Variants in DEF6 observed in about 807,000 individuals in gnomAD.
DEF6 encodes differentially expressed in FDCP 6 homolog.
A neutral mutation model predicts 80.5 loss-of-function variants in DEF6; 32 were observed. The observed-to-expected ratio is 0.40, with a 90% CI of 0.30 to 0.53. The LOEUF is 0.53. DEF6 is among the 20% of genes least tolerant of loss of function. The probability of loss-of-function intolerance (pLI) is 0.57; values close to 1 mark genes in which losing one functional copy is unlikely to be tolerated. For missense variants in DEF6, 575 were observed against 818.7 expected (o/e 0.70, Z 3.63); for synonymous variants, 300 against 337.9 (o/e 0.89, Z 1.23).
At position 35,318,169 on chromosome 6, in the gene DEF6, G is replaced by A. The variant is rs1234263140; in HGVS notation, c.917-4G>A. ...CCTACTGACCCGCTCCCGCTCTTCG[G>A]CAGCCATCCAGATGGCGATCCGGCT... On this transcript the variant is annotated splice_region_variant and splice_polypyrimidine_tract_variant and intron_variant, in intron 6 of 10. Coordinates refer to ENST00000316637, the MANE Select transcript of DEF6 (RefSeq NM_022047.4). The surrounding 1 kb of genome is among the most constrained non-coding windows in gnomAD (Gnocchi z 5.1). 1.3e-6 allele frequency: 2 copies of A among 1,550,680 alleles called. No homozygotes were observed. The highest frequency in any genetic ancestry group is 2.0e-5 in the Admixed American group (1 of 50,274).
intron 1 of DEF6, among the ~76,000 whole-genome samples, chr6:35,306,038 G>A (rs925996902): frequency 5.9e-5 from 9 of 151,502 alleles, no homozygotes; most frequent in African/African-American, 1.2e-4. Flanking sequence ...GATTATAGGC[G>A]CCTGCCACAA....
rs541231429 is a variant in DEF6 at position 35,319,349 on chromosome 6, C to T, written c.1216-175C>T. On this transcript the variant is annotated intron_variant, in intron 7 of 10. Transcript: ENST00000316637. The surrounding 1 kb of genome is among the most constrained non-coding windows in gnomAD (Gnocchi z 4.5). The stretch of plus-strand genomic sequence containing the variant: ...CCCCACGTGGCATCTGTTCACCGAC[C>T]ATTATCTGTTCCAGTCAGGCTCTCA... 6.6e-6 allele frequency among the ~76,000 whole-genome samples: 1 copy of T among 152,076 alleles called. No homozygotes were observed. The highest frequency in any genetic ancestry group is 1.9e-4 in the East Asian group (1 of 5,186).
At chr6:35,302,749 ACT>A (rs2150384897) in intron 1 of DEF6, among the ~76,000 whole-genome samples, 1 of 152,146 alleles carries the variant, frequency 6.6e-6, no homozygotes, top group South Asian at 2.1e-4. Context: ...ACCCCTGGAA[ACT>A]CTGAGTCAGT....
intron 1 of DEF6, among the ~76,000 whole-genome samples, chr6:35,306,000 C>G (rs1175880066): frequency 6.6e-6 from 1 of 152,006 alleles, no homozygotes; most frequent in African/African-American, 2.4e-5. Context: ...TCAACTGATT[C>G]TCCTGCCTCA....
rs1337871884 is a variant in DEF6 at position 35,318,266 on chromosome 6, A to G, written c.1010A>G (p.Glu337Gly). The change falls in exon 7 of 11, where the codon GAG becomes GGG. Residue 337 changes from glutamate to glycine, a missense_variant. Physicochemically the swap from Glu to Gly is moderately conservative, Grantham distance 98. Transcript: ENST00000316637. The surrounding 1 kb of genome is among the most constrained non-coding windows in gnomAD (Gnocchi z 5.1). ...QKRREQREQR[E>G]RRRAAKEEEL... ...CGGCGCGAGCAGCGGGAGCAGCGGG[A>G]GCGGCGCCGGGCGGCCAAGGAAGAG... The G allele has an allele frequency of 6.3e-7, 1 of 1,578,134 alleles. No individual in the cohort carries two copies. Among genetic ancestry groups the G allele is most frequent in the South Asian group, 1.1e-5 (1 of 87,574 alleles).
Position 35,319,588 on chromosome 6 carries a change from G to C in DEF6, c.1280G>C (p.Arg427Pro). Residue 427 changes from arginine (R) to proline (P), a missense_variant, in exon 8 of 11, where the codon CGC (arginine) becomes CCC (proline). Transcript: ENST00000316637. This position sits in a 1 kb window ranked among gnomAD's most constrained non-coding sequence, Gnocchi z 4.5. ...GAGGAGGCTGCCCGGCAGCGGCAGC[G>C]CATCAAGGAGCTGGAGGAGATGCAG... ...KEEEAARQRQ[R>P]IKELEEMQQR... The C allele has an allele frequency of 6.2e-7, 1 of 1,613,956 alleles. No individual in the cohort carries two copies. Among genetic ancestry groups the C allele is most frequent in the Non-Finnish European group, 8.5e-7 (1 of 1,179,952 alleles).
chr6:35,299,936 A>G lies in DEF6; in HGVS notation c.96+1984A>G, dbSNP rs190560415. On this transcript the variant is annotated intron_variant, in intron 1 of 10. Coordinates refer to ENST00000316637, the MANE Select transcript of DEF6 (RefSeq NM_022047.4). ...GAAGTGGTCAAAAGGCAAAGGAGGA[A>G]GCAGACGAGAGAGTTATACAAGCAG... 1.0e-3 allele frequency among the ~76,000 whole-genome samples: 152 copies of G among 152,158 alleles called. 2 individuals are homozygous for G. The highest frequency in any genetic ancestry group is 9.9e-3 in the Admixed American group (151 of 15,278).
In DEF6 at chr6:35,318,241, C is replaced by T; in HGVS notation, c.985C>T (p.Arg329Trp). 1 of 1,594,902 alleles carries T rather than the reference C, an allele frequency of 6.3e-7. No individual in the cohort carries two copies. Among genetic ancestry groups the T allele is most frequent in the Non-Finnish European group, 8.5e-7 (1 of 1,171,892 alleles). The change falls in exon 7 of 11, where the codon CGG becomes TGG. Residue 329 changes from arginine (R) to tryptophan (W), a missense_variant. Coordinates refer to ENST00000316637, the MANE Select transcript of DEF6 (RefSeq NM_022047.4). The surrounding 1 kb of genome is among the most constrained non-coding windows in gnomAD (Gnocchi z 5.1). ...CCTACACAAGGACCTGAAGCAGAAACGGCGCGAGCAGCGGGAGCAGCGGGA... is the reference window on the plus strand; with the variant it reads ...CCTACACAAGGACCTGAAGCAGAAATGGCGCGAGCAGCGGGAGCAGCGGGA... The part of the protein sequence containing the change: ...TSLHKDLKQK[R>W]REQREQRERR...
rs1294403905 is a variant in DEF6, at chr6:35,319,199, G to A, written c.1216-325G>A. ...TATTATATATTATAATAATTATTAA[G>A]TTAGTGCTAGGAAGGAGATGACCAT... On this transcript the variant is annotated intron_variant, in intron 7 of 10. Transcript: ENST00000316637. The surrounding 1 kb of genome is among the most constrained non-coding windows in gnomAD (Gnocchi z 4.5). Among the ~76,000 whole-genome samples, 1 of 151,690 alleles carries A rather than the reference G, an allele frequency of 6.6e-6. No individual in the cohort carries two copies. Among genetic ancestry groups the A allele is most frequent in the African/African-American group, 2.4e-5 (1 of 41,270 alleles).
At chr6:35,310,687 A>G in intron 3 of DEF6, 43 bp downstream of exon 3, 1 of 1,608,486 alleles carries the variant, frequency 6.2e-7, no homozygotes, top group East Asian at 2.2e-5. Flanking sequence ...ACTTGGGACC[A>G]GACCTAAGCA....
Position 35,312,182 on chromosome 6 carries a change from C to T in DEF6, c.424-120C>T. ...ATAACATTCGGTCCTCTGGCCCCCT[C>T]AACGCTCTGTCCCCTGTTTCCCTCT... is the stretch of plus-strand genomic sequence containing the variant. On this transcript the variant is annotated intron_variant, in intron 3 of 10. Transcript: ENST00000316637. This position sits in a 1 kb window ranked among gnomAD's most constrained non-coding sequence, Gnocchi z 6.6. The T allele has an allele frequency of 1.2e-6, 1 of 812,544 alleles. No individual in the cohort carries two copies. The highest frequency in any genetic ancestry group is 1.9e-6 in the Non-Finnish European group (1 of 514,600). The allele number at this position is 812,544 out of a possible 1,614,324, so 50.3% of individuals were successfully genotyped here.
intron 2 of DEF6, 90 bp downstream of exon 2, chr6:35,309,900 G>C: frequency 5.4e-6 from 8 of 1,475,386 alleles, no homozygotes; most frequent in African/African-American, 1.4e-5. Context: ...CCAACTCTTC[G>C]CCCCTGCCAT....
Position 35,319,657 on chromosome 6 carries a change from G to A in DEF6, c.1349G>A (p.Arg450Gln). 2 of 1,613,480 alleles carry A rather than the reference G, an allele frequency of 1.2e-6. No homozygotes were observed. Among genetic ancestry groups the A allele is most frequent in the South Asian group, 1.1e-5 (1 of 91,008 alleles). The stretch of plus-strand genomic sequence containing the variant: ...CTGCAACTAGAGGTGAAAGCTCGGC[G>A]AGATGAAGAATCTGTGCGAATCGCT... ...EALQLEVKAR[R>Q]DEESVRIAQT... The change falls in exon 8 of 11, where the codon CGA becomes CAA. Residue 450 changes from arginine to glutamine, a missense_variant. Physicochemically the swap from Arg to Gln is conservative, Grantham distance 43 (BLOSUM62 1). Coordinates refer to ENST00000316637, the MANE Select transcript of DEF6 (RefSeq NM_022047.4). The surrounding 1 kb of genome is among the most constrained non-coding windows in gnomAD (Gnocchi z 4.5).
At position 35,317,962 on chromosome 6, in the gene DEF6, C is replaced by T. The variant is rs922016170; in HGVS notation, c.879C>T (p.Ser293=). 6.2e-7 allele frequency: 1 copy of T among 1,613,928 alleles called. No individual in the cohort carries two copies. Among genetic ancestry groups the T allele is most frequent in the Non-Finnish European group, 8.5e-7 (1 of 1,179,970 alleles). ...CAGCCAACCGCACGTATGAGATGAG[C>T]GCCTCAGACACGCGCCAGCGCCAGG... The part of the protein sequence containing the change: ...VKTANRTYEM[S]ASDTRQRQEW... Residue 293 remains serine (S), a synonymous_variant, in exon 6 of 11, where the codon AGC becomes AGT. Transcript: ENST00000316637.
At chr6:35,317,038 T>C (rs1325672407) in intron 5 of DEF6, among the ~76,000 whole-genome samples, 3 of 152,378 alleles carry the variant, frequency 2.0e-5, no homozygotes, top group South Asian at 2.1e-4. Context: ...TTGTCAAATA[T>C]ATCAGAATTT....
intron 1 of DEF6, among the ~76,000 whole-genome samples, chr6:35,307,721 G>A (rs1268776916): frequency 6.6e-6 from 1 of 152,080 alleles, no homozygotes; most frequent in Admixed American, 6.5e-5. Context: ...AGAGGGAAAT[G>A]AGGGAAAAAA....
At chr6:35,300,292 G>T (rs1791297427) in intron 1 of DEF6, among the ~76,000 whole-genome samples, 1 of 152,166 alleles carries the variant, frequency 6.6e-6, no homozygotes, top group African/African-American at 2.4e-5. Flanking sequence ...CTCCTGAGTA[G>T]CTGGAATTAT....
At chr6:35,298,262 A>G (rs1396916097) in intron 1 of DEF6, among the ~76,000 whole-genome samples, 2 of 151,902 alleles carry the variant, frequency 1.3e-5, no homozygotes, top group African/African-American at 4.8e-5. Context: ...CACATCCCAG[A>G]CTCTGTGTGA....
intron 10 of DEF6, 26 bp from the exon 11 acceptor site, chr6:35,321,161 T>C: frequency 6.2e-7 from 1 of 1,609,258 alleles, no homozygotes; most frequent in Non-Finnish European, 8.5e-7. Flanking sequence ...GCCTTTCTCC[T>C]TACTTGCCTG....
Sources: gnomAD v4.1 joint callset for allele counts (sites outside exome capture counted in the v4.1 genomes callset) on GRCh38, gnomAD v4.1.1 for gene constraint, Gnocchi (gnomAD v3.1) non-coding constraint, MANE v1.5 for transcripts, NCBI Gene and HGNC (gene_info 2026-07-23, HGNC 2026-07-21) for gene names.